FLI1: variants seen among roughly 807,000 people sequenced by gnomAD.
FLI1 encodes the protein Friend leukemia integration 1 transcription factor.
A neutral mutation model predicts 53.1 loss-of-function variants in FLI1; 13 were observed. That is an observed-to-expected ratio of 0.24 (90% CI 0.16 to 0.39). FLI1 has a LOEUF of 0.39. Ranked by LOEUF, FLI1 falls within the 10% of genes least tolerant of loss-of-function variation. FLI1 has a pLI of 1.00. For synonymous variants in FLI1, 244 were observed against 236.7 expected (o/e 1.03, Z -0.28); for missense variants, 424 against 600.5 (o/e 0.71, Z 3.07).
chr11:128,761,808 C>T (rs1023940444), intron 2 of FLI1, among the ~76,000 whole-genome samples: 2 of 152,158 alleles, frequency 1.3e-5, no homozygotes, highest in African/African-American at 2.4e-5. Flanking sequence ...TGTGAATATT[C>T]CAGTGAACAG....
rs1354165686 is a variant in FLI1 at position 128,805,378 on chromosome 11, A to C, written c.668A>C (p.Asp223Ala). 1 of 1,586,806 alleles carries C rather than the reference A, an allele frequency of 6.3e-7. No homozygotes were observed. The highest frequency in any genetic ancestry group is 1.8e-5 in the Admixed American group (1 of 56,666). Residue 223 changes from aspartate to alanine, a missense_variant, in exon 6 of 9, where the codon GAC (aspartate) becomes GCC (alanine). Coordinates refer to ENST00000527786, the MANE Select transcript of FLI1 (RefSeq NM_002017.5). ...TATTGTTCATTAGACCCTTCTTATG[A>C]CTCAGTCAGAAGAGGAGCTTGGGGC... The part of the protein sequence containing the change: ...RLSVKEDPSY[D>A]SVRRGAWGNN...
At position 128,721,974 on chromosome 11, in the gene FLI1, A is replaced by G. The variant is rs115184599; in HGVS notation, c.18+27698A>G. The stretch of plus-strand genomic sequence containing the variant: ...AGTCAGAGGCTCCCTGGTCATCTTG[A>G]GTAGTGGGAATGCTTCTCCTGTCTG... On this transcript the variant is annotated intron_variant, in intron 1 of 8. Transcript: ENST00000527786. Among the ~76,000 whole-genome samples, 492 of 152,214 alleles carry G rather than the reference A, an allele frequency of 3.2e-3. 5 individuals are homozygous for G. Among genetic ancestry groups the G allele is most frequent in the African/African-American group, 0.011 (462 of 41,532 alleles).
intron 2 of FLI1, among the ~76,000 whole-genome samples, chr11:128,765,465 C>T (rs1404814460): frequency 6.6e-6 from 1 of 152,172 alleles, no homozygotes; most frequent in Admixed American, 6.5e-5. Flanking sequence ...TTCCAAATAT[C>T]GTATCCCCAC....
intron 1 of FLI1, among the ~76,000 whole-genome samples, chr11:128,704,814 G>A (rs1185074482): frequency 6.6e-6 from 1 of 152,350 alleles, no homozygotes; most frequent in Non-Finnish European, 1.5e-5. Context: ...CTAAGAGAAA[G>A]AGATGCTCAT....
At chr11:128,801,296 A>G (rs1942630230) in intron 5 of FLI1, among the ~76,000 whole-genome samples, 1 of 152,164 alleles carries the variant, frequency 6.6e-6, no homozygotes, top group African/African-American at 2.4e-5. Context: ...TTGTGTGGGG[A>G]TGTGAGCCAC....
At chr11:128,764,405 G>A (rs971356298) in intron 2 of FLI1, among the ~76,000 whole-genome samples, 6 of 152,288 alleles carry the variant, frequency 3.9e-5, no homozygotes, top group Admixed American at 6.5e-5. Context: ...GGCCTCTGTC[G>A]CCCTGAGATG....
At position 128,789,000 on chromosome 11, in the gene FLI1, T is replaced by C. The variant is rs180726923; in HGVS notation, c.655+6977T>C. Among the ~76,000 whole-genome samples, 369 of 152,330 alleles carry C rather than the reference T, an allele frequency of 2.4e-3. 1 individual carries two copies. Among genetic ancestry groups the C allele is most frequent in the South Asian group, 0.011 (52 of 4,830 alleles). On this transcript the variant is annotated intron_variant, in intron 5 of 8. Coordinates refer to ENST00000527786, the MANE Select transcript of FLI1 (RefSeq NM_002017.5). ...CAATGCACGTATATTACCACGTCTT[T>C]CAATTTTCCCCTGCATTTAGCTCCT...
chr11:128,758,094 G>C lies in FLI1; in HGVS notation c.19-21G>C, dbSNP rs115056498. Reference sequence around the variant, plus strand: ...GGTGAAGAGTGACACTGGGCTTTCTGTCTCTTCTCTGGCCCTGCAGGAGGC... The same window carrying C: ...GGTGAAGAGTGACACTGGGCTTTCTCTCTCTTCTCTGGCCCTGCAGGAGGC... On this transcript the variant is annotated intron_variant, in intron 1 of 8. Transcript: ENST00000527786. The C allele has an allele frequency of 4.5e-4, 719 of 1,599,366 alleles. 1 individual carries two copies. In the African/African-American group the frequency reaches 8.2e-3, roughly 18 times the overall value.
intron 4 of FLI1, among the ~76,000 whole-genome samples, chr11:128,777,515 C>T (rs959742111): frequency 2.6e-5 from 4 of 152,270 alleles, no homozygotes; most frequent in African/African-American, 9.6e-5. Flanking sequence ...CTCAGATGGT[C>T]GGGCAGAGGT....
chr11:128,808,917 C>T (rs1942861082), intron 7 of FLI1, among the ~76,000 whole-genome samples: 1 of 152,084 alleles, frequency 6.6e-6, no homozygotes, highest in African/African-American at 2.4e-5. Context: ...ATTTTAGATG[C>T]CAAAATAAGA....
intron 5 of FLI1, among the ~76,000 whole-genome samples, chr11:128,795,221 A>C (rs555474093): frequency 1.3e-5 from 2 of 152,340 alleles, no homozygotes; most frequent in Non-Finnish European, 2.9e-5. Context: ...TCAAAACCCG[A>C]TTCAAGTCCT....
At position 128,799,171 on chromosome 11, in the gene FLI1, A is replaced by C. The variant is rs572246553; in HGVS notation, c.656-6195A>C. ...GTGTTCCTCCCACCTTGGCCTCCCA[A>C]AGTGCTGGGATTACAGCCCTGAGCC... On this transcript the variant is annotated intron_variant, in intron 5 of 8. Transcript: ENST00000527786. Among the ~76,000 whole-genome samples the C allele has an allele frequency of 3.9e-5, 6 of 151,928 alleles. No homozygotes were observed. The South Asian group carries it at 1.3e-3, about 32-fold the overall frequency.
chr11:128,795,528 T>TA (rs1382379845), intron 5 of FLI1, among the ~76,000 whole-genome samples: 2 of 151,858 alleles, frequency 1.3e-5, no homozygotes, highest in Non-Finnish European at 2.9e-5. Flanking sequence ...TCAGCTAGAG[T>TA]TCTGTAGGAT....
At chr11:128,773,154 C>A (rs1941627179) in intron 4 of FLI1, among the ~76,000 whole-genome samples, 169 bp downstream of exon 4, 1 of 152,146 alleles carries the variant, frequency 6.6e-6, no homozygotes, top group Non-Finnish European at 1.5e-5. Context: ...CTGTGAGGGG[C>A]AGACCCAATC....
chr11:128,693,297 C>G (rs891366048), upstream of FLI1: 4 of 152,294 alleles, frequency 2.6e-5, no homozygotes, highest in African/African-American at 9.6e-5. Context: ...GAGTCCGCGC[C>G]CTGACAGCGC....
intron 3 of FLI1, among the ~76,000 whole-genome samples, chr11:128,769,041 G>A (rs1941459726): frequency 6.6e-6 from 1 of 152,206 alleles, no homozygotes; most frequent in Non-Finnish European, 1.5e-5. Flanking sequence ...TTTTAAAATA[G>A]AAAGAACTAT....
intron 1 of FLI1, among the ~76,000 whole-genome samples, chr11:128,747,611 G>C (rs1019616734): frequency 1.6e-4 from 25 of 152,196 alleles, no homozygotes; most frequent in Non-Finnish European, 3.4e-4. Context: ...TCTCAGTCTG[G>C]CTTTGCTTTG....
rs11297253 is a variant in FLI1 at position 128,694,511 on chromosome 11, GC to G, written c.18+239del. 1 allele frequency among the ~76,000 whole-genome samples: 152,168 copies of G among 152,172 alleles called. 76,082 individuals are homozygous for G. Among genetic ancestry groups the G allele is most frequent in the Middle Eastern group, 1 (294 of 294 alleles). ...CCGAAATCCCAGCCCCCAAAGTGGA[GC>G]CCCGGCCCCCCTCCCACCTCGCTGC... On this transcript the variant is annotated intron_variant, in intron 1 of 8. Transcript: ENST00000527786.
intron 1 of FLI1, among the ~76,000 whole-genome samples, chr11:128,695,510 T>C (rs1938030833): frequency 1.3e-5 from 2 of 152,186 alleles, no homozygotes; most frequent in Admixed American, 6.5e-5. Context: ...GGCTAAGATG[T>C]TGGGCTCAGA....
Sources: allele counts gnomAD v4.1 joint callset (sites outside exome capture counted in the v4.1 genomes callset), GRCh38; gene constraint gnomAD v4.1.1; transcripts MANE v1.5; gene names NCBI Gene and HGNC (gene_info 2026-07-23, HGNC 2026-07-21).